The following PACSIN2 variants were observed in gnomAD, a reference collection of about 807,000 sequenced individuals.
The protein encoded by PACSIN2 is protein kinase C and casein kinase substrate in neurons 2.
A neutral mutation model predicts 63.8 loss-of-function variants in PACSIN2; 25 were observed. That is an observed-to-expected ratio of 0.39 (90% CI 0.29 to 0.55). The LOEUF (loss-of-function observed/expected upper bound fraction) is 0.55. Among genes scored for constraint, PACSIN2 ranks in the 20% least tolerant of loss-of-function variants. The pLI is 0.62. For synonymous variants in PACSIN2, 255 were observed against 256.2 expected (o/e 1.00, Z 0.05); for missense variants, 518 against 646.9 (o/e 0.80, Z 2.16).
At chr22:42,936,974 G>A (rs766046603) in intron 1 of PACSIN2, among the ~76,000 whole-genome samples, 2 of 152,026 alleles carry the variant, frequency 1.3e-5, no homozygotes, top group African/African-American at 2.4e-5. Context: ...CACCCATTGC[G>A]AATGCATTAG....
chr22:43,001,372 C>G (rs1385799422), intron 1 of PACSIN2, among the ~76,000 whole-genome samples: 1 of 152,248 alleles, frequency 6.6e-6, no homozygotes, highest in Non-Finnish European at 1.5e-5. Flanking sequence ...CAACAGCAAC[C>G]TAGACATGTT....
intron 1 of PACSIN2, among the ~76,000 whole-genome samples, chr22:42,974,506 G>A (rs570276643): frequency 6.6e-6 from 1 of 152,202 alleles, no homozygotes; most frequent in South Asian, 2.1e-4. Context: ...CCACATACAG[G>A]CTTCTTGTCT....
chr22:42,911,885 A>AG, intron 2 of PACSIN2, 136 bp downstream of exon 2: 1 of 659,670 alleles, frequency 1.5e-6, no homozygotes. Context: ...GCTGCTATCT[A>AG]GGTCTGACTA....
At chr22:42,880,834 G>C (rs1010318266) in intron 7 of PACSIN2, among the ~76,000 whole-genome samples, 1 of 152,188 alleles carries the variant, frequency 6.6e-6, no homozygotes, top group African/African-American at 2.4e-5. Flanking sequence ...GGGTATAATG[G>C]GCACCTCTAA....
intron 1 of PACSIN2, among the ~76,000 whole-genome samples, chr22:42,949,457 C>CGT (rs71736915): frequency 0.063 from 9,130 of 144,838 alleles, 896 homozygotes; most frequent in African/African-American, 0.25. Context: ...CATACACACA[C>CGT]GCGCGCGCAC....
At chr22:43,005,204 A>G (rs1392410859) in intron 1 of PACSIN2, among the ~76,000 whole-genome samples, 1 of 152,226 alleles carries the variant, frequency 6.6e-6, no homozygotes, top group Non-Finnish European at 1.5e-5. Flanking sequence ...TTTGCTTTCT[A>G]AGTCCTATTT....
intron 1 of PACSIN2, among the ~76,000 whole-genome samples, chr22:42,967,278 C>T (rs1410403808): frequency 6.6e-6 from 1 of 152,164 alleles, no homozygotes; most frequent in Non-Finnish European, 1.5e-5. Context: ...GCTTCCTCCT[C>T]CCTCAAAGGA....
intron 10 of PACSIN2, among the ~76,000 whole-genome samples, chr22:42,875,392 C>T (rs535855158): frequency 2.6e-5 from 4 of 152,076 alleles, no homozygotes; most frequent in African/African-American, 9.7e-5. Flanking sequence ...TTGTTTGCGA[C>T]AGGGTCTCGC....
chr22:43,006,779 T>C (rs998615054), intron 1 of PACSIN2, among the ~76,000 whole-genome samples: 11 of 152,246 alleles, frequency 7.2e-5, no homozygotes, highest in Admixed American at 7.2e-4. Context: ...CGCACCATTG[T>C]ACTCCAGCCT....
intron 6 of PACSIN2, among the ~76,000 whole-genome samples, chr22:42,882,533 ATGAC>A (rs1291649351): frequency 6.6e-6 from 1 of 152,178 alleles, no homozygotes; most frequent in Non-Finnish European, 1.5e-5. Flanking sequence ...GCAGGTGGCA[ATGAC>A]TAAGCCCTGC....
chr22:42,942,714 A>T (rs903173867), intron 1 of PACSIN2, among the ~76,000 whole-genome samples: 2 of 152,230 alleles, frequency 1.3e-5, no homozygotes, highest in African/African-American at 4.8e-5. Flanking sequence ...AAGTCAACTG[A>T]CCATAAATGT....
intron 1 of PACSIN2, among the ~76,000 whole-genome samples, chr22:42,998,862 G>C (rs1429329652): frequency 6.6e-6 from 1 of 152,154 alleles, no homozygotes; most frequent in African/African-American, 2.4e-5. Context: ...GGAGAGAAGA[G>C]AGGAAGTCGA....
At chr22:42,991,159 G>A (rs1923012711) in intron 1 of PACSIN2, among the ~76,000 whole-genome samples, 1 of 152,096 alleles carries the variant, frequency 6.6e-6, no homozygotes, top group Non-Finnish European at 1.5e-5. Flanking sequence ...CCACCTCCTA[G>A]GAAGCTGCTG....
intron 1 of PACSIN2, among the ~76,000 whole-genome samples, chr22:42,981,504 C>T (rs1922127954): frequency 1.2e-5 from 1 of 80,648 alleles, no homozygotes; most frequent in African/African-American, 6.0e-5. Context: ...GGCCAGCCGC[C>T]CCGTCCGGGA....
At position 42,921,323 on chromosome 22, in the gene PACSIN2, T is replaced by A. The variant is rs1932178891; in HGVS notation, c.-77-9166A>T. ...GCAGTGAGCCGAGATTGTGTCACTG[T>A]CGCCCACCCTGGGCGACAGTGTGAG... On this transcript the variant is annotated intron_variant, in intron 1 of 10. Transcript: ENST00000263246. Among the ~76,000 whole-genome samples, 4 of 147,862 alleles carry A rather than the reference T, an allele frequency of 2.7e-5. No individual in the cohort carries two copies. The South Asian group carries it at 8.5e-4, about 31-fold the overall frequency.
intron 1 of PACSIN2, among the ~76,000 whole-genome samples, chr22:43,010,462 C>T (rs1400726166): frequency 1.3e-5 from 2 of 150,794 alleles, no homozygotes; most frequent in African/African-American, 4.9e-5. Flanking sequence ...GTAATCCCAG[C>T]ACTTTGGGAG....
chr22:42,926,265 C>T (rs145667839), intron 1 of PACSIN2, among the ~76,000 whole-genome samples: 231 of 152,310 alleles, frequency 1.5e-3, no homozygotes, highest in African/African-American at 5.2e-3. Flanking sequence ...GCTGGCCCCT[C>T]CCTCAAGGGA....
intron 1 of PACSIN2, among the ~76,000 whole-genome samples, chr22:42,956,405 G>A (rs1933918615): frequency 2.0e-5 from 3 of 152,204 alleles, no homozygotes; most frequent in Admixed American, 6.5e-5. Context: ...TGTCAAGGCA[G>A]AACTGTGACA....
chr22:42,933,207 C>A (rs1288557659), intron 1 of PACSIN2, among the ~76,000 whole-genome samples: 1 of 152,250 alleles, frequency 6.6e-6, no homozygotes, highest in Non-Finnish European at 1.5e-5. Flanking sequence ...TGGAAACAAA[C>A]TATCTCTATG....
Sources: gnomAD v4.1 joint callset for allele counts (sites outside exome capture counted in the v4.1 genomes callset) on GRCh38, gnomAD v4.1.1 for gene constraint, MANE v1.5 for transcripts, NCBI Gene and HGNC (gene_info 2026-07-23, HGNC 2026-07-21) for gene names.